Variants in LSAMP observed in about 807,000 individuals in gnomAD.
LSAMP encodes limbic system-associated membrane protein.
A neutral mutation model predicts 38.6 loss-of-function variants in LSAMP; 7 were observed. The ratio of observed to expected loss-of-function variants is 0.18; its 90% CI spans 0.10 to 0.34. LSAMP has a LOEUF of 0.34. Among genes scored for constraint, LSAMP ranks in the 10% least tolerant of loss-of-function variants. The pLI is 1.00. For synonymous variants in LSAMP, 154 were observed against 166.8 expected, an observed-to-expected ratio of 0.92 and a Z score of 0.59; for missense variants, 313 against 420.0, an observed-to-expected ratio of 0.75 and a Z score of 2.23.
At chr3:116,246,302 C>T (rs1036228579) in intron 1 of LSAMP, among the ~76,000 whole-genome samples, 3 of 151,966 alleles carry the variant, frequency 2.0e-5, no homozygotes, top group Non-Finnish European at 2.9e-5. Context: ...GGTATCATTG[C>T]CAGAATACAT....
intron 1 of LSAMP, among the ~76,000 whole-genome samples, chr3:116,233,965 T>C (rs979755941): frequency 3.9e-5 from 6 of 152,186 alleles, no homozygotes; most frequent in Non-Finnish European, 5.9e-5. Flanking sequence ...GTTTGTAGAC[T>C]CTCCACTTGA....
chr3:115,828,408 C>T (rs990989888), intron 6 of LSAMP, among the ~76,000 whole-genome samples: 2 of 152,174 alleles, frequency 1.3e-5, no homozygotes, highest in Admixed American at 6.5e-5. Flanking sequence ...TCACTCCATA[C>T]AGTCTCTGAA....
At chr3:115,898,694 A>C (rs1936793567) in intron 3 of LSAMP, among the ~76,000 whole-genome samples, 1 of 151,788 alleles carries the variant, frequency 6.6e-6, no homozygotes, top group African/African-American at 2.4e-5. Context: ...TACCCAGCCA[A>C]TGGTCCAGCC....
intron 3 of LSAMP, 76 bp downstream of exon 3, chr3:116,019,439 T>G (rs530332892): frequency 2.6e-6 from 4 of 1,525,890 alleles, no homozygotes; most frequent in Non-Finnish European, 3.6e-6. Flanking sequence ...TTGAAATTTC[T>G]GATTCAGCAG....
chr3:115,910,671 T>C (rs181060523), intron 3 of LSAMP, among the ~76,000 whole-genome samples: 374 of 152,300 alleles, frequency 2.5e-3, no homozygotes, highest in African/African-American at 8.6e-3. Flanking sequence ...CATATTGTTC[T>C]TTTATAGCCA....
At chr3:116,295,426 GA>G (rs2047318410) in intron 1 of LSAMP, among the ~76,000 whole-genome samples, 1 of 152,110 alleles carries the variant, frequency 6.6e-6, no homozygotes, top group Non-Finnish European at 1.5e-5. Context: ...CTAGCTATAG[GA>G]ATTTATTTTT....
chr3:116,329,334 A>AAATTCAAG (rs1369750116), intron 1 of LSAMP, among the ~76,000 whole-genome samples: 2 of 152,284 alleles, frequency 1.3e-5, no homozygotes, highest in East Asian at 3.9e-4. Context: ...GTGTCTTTTA[A>AAATTCAAG]AATTCAAGTA....
chr3:116,074,589 A>G (rs74692395), intron 2 of LSAMP, among the ~76,000 whole-genome samples: 10 of 152,312 alleles, frequency 6.6e-5, no homozygotes, highest in African/African-American at 2.4e-4. Flanking sequence ...GAAAGTTTCC[A>G]TTAATTTACA....
At chr3:116,352,815 G>T (rs2048160663) in intron 1 of LSAMP, among the ~76,000 whole-genome samples, 1 of 152,032 alleles carries the variant, frequency 6.6e-6, no homozygotes, top group Non-Finnish European at 1.5e-5. Context: ...CTTTTTTGGG[G>T]TGTCTTGCAT....
chr3:115,811,557 T>A (rs1933832581), intron 6 of LSAMP, among the ~76,000 whole-genome samples: 1 of 129,068 alleles, frequency 7.7e-6, no homozygotes, highest in Non-Finnish European at 1.6e-5. Flanking sequence ...AGATGGATTA[T>A]GTGTGAGTGT....
chr3:116,199,417 T>C (rs2045959090), intron 1 of LSAMP, among the ~76,000 whole-genome samples: 1 of 152,176 alleles, frequency 6.6e-6, no homozygotes, highest in Non-Finnish European at 1.5e-5. Flanking sequence ...GCCACAATAT[T>C]ATGTTAGTTC....
At chr3:116,388,027 C>T (rs972860035) in intron 1 of LSAMP, among the ~76,000 whole-genome samples, 3 of 151,972 alleles carry the variant, frequency 2.0e-5, no homozygotes, top group African/African-American at 4.8e-5. Context: ...TGGTGTGAAC[C>T]TGGGAGGCGG....
chr3:116,248,445 A>C (rs547199206), intron 1 of LSAMP, among the ~76,000 whole-genome samples: 70 of 150,886 alleles, frequency 4.6e-4, no homozygotes, highest in Non-Finnish European at 6.8e-4. Context: ...GAATCTGTCT[A>C]GCCTGGGCAA....
At chr3:115,833,451 CT>C (rs932603651) in intron 6 of LSAMP, among the ~76,000 whole-genome samples, 1 of 146,176 alleles carries the variant, frequency 6.8e-6, no homozygotes. Context: ...GATAATAACT[CT>C]TATTAAACTG....
chr3:115,960,019 G>A (rs529424330), intron 3 of LSAMP, among the ~76,000 whole-genome samples: 21 of 152,094 alleles, frequency 1.4e-4, no homozygotes, highest in Non-Finnish European at 2.8e-4. Flanking sequence ...GCTGACTGGT[G>A]AACATCCCTT....
intron 3 of LSAMP, among the ~76,000 whole-genome samples, chr3:115,967,239 C>A (rs1474069408): frequency 6.6e-5 from 10 of 152,292 alleles, no homozygotes; most frequent in Admixed American, 5.2e-4. Context: ...TTCTCAAGTT[C>A]AAAGTTCCAC....
chr3:115,861,169 CCTT>C (rs1935681434), intron 3 of LSAMP, among the ~76,000 whole-genome samples: 1 of 118,330 alleles, frequency 8.5e-6, no homozygotes, highest in African/African-American at 3.1e-5. Context: ...TTCCTTCCTT[CCTT>C]CCTTCCTTCC....
chr3:116,368,866 T>G (rs2048393089), intron 1 of LSAMP, among the ~76,000 whole-genome samples: 1 of 152,134 alleles, frequency 6.6e-6, no homozygotes, highest in African/African-American at 2.4e-5. Flanking sequence ...ACAAGCAGCA[T>G]TTTAAAAGAT....
At chr3:115,869,459 A>T (rs1935963553) in intron 3 of LSAMP, among the ~76,000 whole-genome samples, 1 of 152,178 alleles carries the variant, frequency 6.6e-6, no homozygotes, top group African/African-American at 2.4e-5. Context: ...GGGAGATAAA[A>T]CAAGGCATAG....
Sources: allele counts gnomAD v4.1 joint callset (sites outside exome capture counted in the v4.1 genomes callset), GRCh38; gene constraint gnomAD v4.1.1; transcripts MANE v1.5; gene names NCBI Gene and HGNC (gene_info 2026-07-23, HGNC 2026-07-21).